The following DNAJC13 variants were observed in gnomAD, a reference collection of about 807,000 sequenced individuals.
The protein encoded by DNAJC13 is dnaJ homolog subfamily C member 13.
Under a neutral mutation model 290.5 loss-of-function variants are expected in DNAJC13, and 75 were observed. The ratio of observed to expected loss-of-function variants is 0.26; its 90% CI spans 0.21 to 0.31. The LOEUF (loss-of-function observed/expected upper bound fraction) is 0.31. Among genes scored for constraint, DNAJC13 ranks in the 10% least tolerant of loss-of-function variants. The pLI is 1.00. For missense variants in DNAJC13, 2,260 were observed against 2,674.5 expected (o/e 0.85, Z 3.42); for synonymous variants, 862 against 892.0 (o/e 0.97, Z 0.60).
intron 20 of DNAJC13, among the ~76,000 whole-genome samples, chr3:132,472,726 C>G (rs1021146722): frequency 6.6e-6 from 1 of 152,196 alleles, no homozygotes; most frequent in East Asian, 1.9e-4. Flanking sequence ...TCAATTTGTA[C>G]TTGCTCCTCT....
At chr3:132,429,775 C>T (rs1413559245) in intron 1 of DNAJC13, among the ~76,000 whole-genome samples, 2 of 152,118 alleles carry the variant, frequency 1.3e-5, no homozygotes, top group African/African-American at 4.8e-5. Flanking sequence ...TCTTCCCTCC[C>T]TTACCTCTCA....
chr3:132,491,110 A>G (rs1464191026), intron 32 of DNAJC13, 59 bp downstream of exon 32: 4 of 1,393,760 alleles, frequency 2.9e-6, no homozygotes, highest in Non-Finnish European at 3.9e-6. Flanking sequence ...GCTGCTCGCC[A>G]TCTGCTTTGA....
chr3:132,427,948 T>C (rs1322275007), intron 1 of DNAJC13, among the ~76,000 whole-genome samples: 3 of 152,212 alleles, frequency 2.0e-5, no homozygotes, highest in Admixed American at 1.3e-4. Context: ...TCTCCAGCTT[T>C]ATCTTGGTAA....
intron 35 of DNAJC13, among the ~76,000 whole-genome samples, chr3:132,495,807 G>A (rs889026616): frequency 6.6e-6 from 1 of 152,114 alleles, no homozygotes; most frequent in African/African-American, 2.4e-5. Flanking sequence ...ACTTTCATAT[G>A]TTTAAGGTAT....
intron 29 of DNAJC13, among the ~76,000 whole-genome samples, chr3:132,485,027 T>G (rs1287459679): frequency 6.6e-6 from 1 of 152,184 alleles, no homozygotes; most frequent in Non-Finnish European, 1.5e-5. Flanking sequence ...GAGGCTGCAG[T>G]GAGCTGTGAT....
chr3:132,481,997 A>T lies in DNAJC13; in HGVS notation c.2875-229A>T, dbSNP rs1461381390. On this transcript the variant is annotated intron_variant, in intron 26 of 55. Coordinates refer to ENST00000260818, the MANE Select transcript of DNAJC13 (RefSeq NM_015268.4). ...TTAGATTGCTGAGTGTGAACTTAAG[A>T]AACCATTTACTTCAAATGTATATTA... is the stretch of plus-strand genomic sequence containing the variant. 3.9e-5 allele frequency among the ~76,000 whole-genome samples: 6 copies of T among 152,186 alleles called. No individual in the cohort carries two copies. The South Asian group carries it at 1.2e-3, about 31-fold the overall frequency.
At chr3:132,494,447 G>A (rs1019357564) in intron 34 of DNAJC13, among the ~76,000 whole-genome samples, 188 bp downstream of exon 34, 2 of 152,124 alleles carry the variant, frequency 1.3e-5, no homozygotes, top group Non-Finnish European at 2.9e-5. Flanking sequence ...TAGCCAAATT[G>A]TATCCTCCTC....
At chr3:132,503,704 G>T (rs998551845) in intron 41 of DNAJC13, among the ~76,000 whole-genome samples, 2 of 152,136 alleles carry the variant, frequency 1.3e-5, no homozygotes, top group Admixed American at 1.3e-4. Context: ...GGAGACAGGA[G>T]ACCCAGAGTC....
In DNAJC13 at chr3:132,460,399, C is replaced by G. The variant is rs779624968; in HGVS notation, c.1557+42C>G. On this transcript the variant is annotated intron_variant, in intron 14 of 55. Transcript: ENST00000260818. ...TTTGTCTTCATGGTAGATACCATAC[C>G]ATTATTGAAAGATATTCTAGAAGTG... 2.2e-6 allele frequency: 3 copies of G among 1,353,952 alleles called. No individual in the cohort carries two copies. The East Asian group carries it at 6.9e-5, about 31-fold the overall frequency. 83.9% of individuals were successfully genotyped at this position (1,353,952 alleles called of 1,614,324 possible).
intron 33 of DNAJC13, among the ~76,000 whole-genome samples, chr3:132,493,789 A>G (rs1192861517): frequency 3.3e-5 from 5 of 151,288 alleles, no homozygotes; most frequent in Non-Finnish European, 5.9e-5. Context: ...TGGTTTCTGG[A>G]CACTTTAAAA....
chr3:132,482,726 G>A (rs1226412844), intron 27 of DNAJC13, among the ~76,000 whole-genome samples: 2 of 151,972 alleles, frequency 1.3e-5, no homozygotes, highest in Admixed American at 6.6e-5. Context: ...AAGCATGGTG[G>A]TGCATGCCTA....
intron 1 of DNAJC13, among the ~76,000 whole-genome samples, chr3:132,431,984 CTT>C (rs1245336247): frequency 1.3e-5 from 2 of 152,052 alleles, no homozygotes; most frequent in African/African-American, 4.8e-5. Context: ...AAATTGTATA[CTT>C]TTTAAAAGAG....
chr3:132,453,698 A>G lies in DNAJC13; in HGVS notation c.840+4A>G. ...AACATTGAAGCCTTTAGGAGAAGTA[A>G]GTTTCAGCATTGTTAGCTTAAATGA... On this transcript the variant is annotated splice_donor_region_variant and intron_variant, in intron 8 of 55. Transcript: ENST00000260818. 1 of 1,599,876 alleles carries G rather than the reference A, an allele frequency of 6.3e-7. No individual in the cohort carries two copies. The highest frequency in any genetic ancestry group is 8.5e-7 in the Non-Finnish European group (1 of 1,173,996).
At chr3:132,508,726 A>G (rs1384414835) in intron 43 of DNAJC13, among the ~76,000 whole-genome samples, 1 of 152,230 alleles carries the variant, frequency 6.6e-6, no homozygotes, top group Non-Finnish European at 1.5e-5. Context: ...ATTCCAGGTA[A>G]CAAGCCTGTA....
chr3:132,492,746 T>G (rs1193322386), intron 33 of DNAJC13, 131 bp downstream of exon 33: 1 of 719,828 alleles, frequency 1.4e-6, no homozygotes, highest in African/African-American at 1.8e-5. Context: ...CACTAAGCAC[T>G]GTGTGACTCT....
Position 132,505,360 on chromosome 3 carries a change from C to T in DNAJC13, c.4943C>T (p.Thr1648Ile), listed in dbSNP as rs1464340168. The T allele has an allele frequency of 1.2e-6, 2 of 1,611,410 alleles. No homozygotes were observed. The highest frequency in any genetic ancestry group is 8.5e-7 in the Non-Finnish European group (1 of 1,178,650). ...CCATATTTGATATGGAACAATTCTA[C>T]AAGAGCAGAATTACTTGAATTTCTT... ...ESPYLIWNNSTRAELLEFLES... is the reference protein window; with the variant it reads ...ESPYLIWNNSIRAELLEFLES... The change falls in exon 42 of 56, where the codon ACA becomes ATA. Residue 1648 changes from threonine (T) to isoleucine (I), a missense_variant. Around this residue, in one of 3 missense-constraint regions of DNAJC13, gnomAD observed 1,494 missense variants for 1,693.7 expected, o/e 0.88. Coordinates refer to ENST00000260818, the MANE Select transcript of DNAJC13 (RefSeq NM_015268.4).
In DNAJC13 at chr3:132,481,347, G is replaced by C. The variant is rs147583047; in HGVS notation, c.2874+877G>C. Among the ~76,000 whole-genome samples, 503 of 152,256 alleles carry C rather than the reference G, an allele frequency of 3.3e-3. 1 individual carries two copies. Among genetic ancestry groups the C allele is most frequent in the Non-Finnish European group, 5.5e-3 (377 of 68,018 alleles). On this transcript the variant is annotated intron_variant, in intron 26 of 55. Coordinates refer to ENST00000260818, the MANE Select transcript of DNAJC13 (RefSeq NM_015268.4). Reference sequence around the variant, plus strand: ...TCACACTGGTAATCCCAGCACTTTGGGGGGCTGAGGCGGGAGGATCACTTG... The same window carrying C: ...TCACACTGGTAATCCCAGCACTTTGCGGGGCTGAGGCGGGAGGATCACTTG...
chr3:132,519,430 C>T lies in DNAJC13; in HGVS notation c.5673+2614C>T, dbSNP rs556455412. Among the ~76,000 whole-genome samples, 4 of 152,264 alleles carry T rather than the reference C, an allele frequency of 2.6e-5. No individual in the cohort carries two copies. In the South Asian group the frequency reaches 8.3e-4, roughly 32 times the overall value. On this transcript the variant is annotated intron_variant, in intron 48 of 55. Transcript: ENST00000260818. ...AAGAGAAATGTTTATTTACATCCTT[C>T]ACTAATTTTTAAATTGAGATTATTT...
At chr3:132,495,338 C>T (rs1935203114) in intron 35 of DNAJC13, among the ~76,000 whole-genome samples, 172 bp downstream of exon 35, 1 of 152,130 alleles carries the variant, frequency 6.6e-6, no homozygotes, top group East Asian at 1.9e-4. Flanking sequence ...ATGATGCTCC[C>T]TCAGTTTACC....
Sources: allele counts gnomAD v4.1 joint callset (sites outside exome capture counted in the v4.1 genomes callset), GRCh38; gene constraint gnomAD v4.1.1; regional missense constraint gnomAD v4.1.1; transcripts MANE v1.5; gene names NCBI Gene and HGNC (gene_info 2026-07-23, HGNC 2026-07-21).